OSBPL1A: variants seen among roughly 807,000 people sequenced by gnomAD.
OSBPL1A encodes the protein oxysterol binding protein like 1A, also known as oxysterol-binding protein-related protein 1.
In OSBPL1A, 80 loss-of-function variants were observed where a neutral mutation model predicts 137.1. The ratio of observed to expected loss-of-function variants is 0.58; its 90% CI spans 0.49 to 0.70. The LOEUF (loss-of-function observed/expected upper bound fraction) is 0.70. Ranked by LOEUF, OSBPL1A falls within the 30% of genes least tolerant of loss-of-function variation. The pLI is 0.00. For synonymous variants in OSBPL1A, 365 were observed against 389.7 expected, an observed-to-expected ratio of 0.94 and a Z score of 0.75; for missense variants, 970 against 1,129.4, an observed-to-expected ratio of 0.86 and a Z score of 2.02.
chr18:24,392,094 G>A (rs1475057148), intron 1 of OSBPL1A, among the ~76,000 whole-genome samples: 6 of 152,210 alleles, frequency 3.9e-5, no homozygotes, highest in African/African-American at 9.6e-5. Flanking sequence ...AGGTTCAAGC[G>A]ATCTGTCCAC....
At chr18:24,290,447 G>A (rs2090155290) in intron 14 of OSBPL1A, among the ~76,000 whole-genome samples, 2 of 152,176 alleles carry the variant, frequency 1.3e-5, no homozygotes, top group African/African-American at 2.4e-5. Context: ...TTGGGAGGCT[G>A]AGGCAGGTGG....
chr18:24,344,495 G>A (rs983095823), intron 4 of OSBPL1A, among the ~76,000 whole-genome samples: 37 of 152,136 alleles, frequency 2.4e-4, no homozygotes, highest in African/African-American at 8.7e-4. Flanking sequence ...GGTTAAACAC[G>A]ATGGGTATGT....
intron 14 of OSBPL1A, among the ~76,000 whole-genome samples, chr18:24,288,619 T>G (rs1036745331): frequency 1.3e-5 from 2 of 151,446 alleles, no homozygotes; most frequent in African/African-American, 4.9e-5. Flanking sequence ...AATACAAAAA[T>G]TAGCTGGGCA....
At chr18:24,388,438 G>A (rs1407481077) in intron 1 of OSBPL1A, among the ~76,000 whole-genome samples, 1 of 151,910 alleles carries the variant, frequency 6.6e-6, no homozygotes, top group African/African-American at 2.4e-5. Context: ...CTTACAAAAG[G>A]TACATCTAGT....
chr18:24,241,209 G>A (rs1203664549), intron 15 of OSBPL1A, among the ~76,000 whole-genome samples: 3 of 152,166 alleles, frequency 2.0e-5, no homozygotes, highest in East Asian at 3.8e-4. Context: ...TCAGGACATA[G>A]GCATGGGCAA....
chr18:24,385,981 G>A (rs1906937771), intron 1 of OSBPL1A, among the ~76,000 whole-genome samples: 1 of 152,172 alleles, frequency 6.6e-6, no homozygotes, highest in Non-Finnish European at 1.5e-5. Flanking sequence ...AGAAAGCACT[G>A]CACCAAGGCT....
chr18:24,338,126 G>T (rs1437423832), intron 5 of OSBPL1A, among the ~76,000 whole-genome samples: 1 of 150,406 alleles, frequency 6.6e-6, no homozygotes, highest in Non-Finnish European at 1.5e-5. Context: ...AGGCGGGAGT[G>T]CAGTGGCGCA....
At chr18:24,272,026 G>T (rs1162509881) in intron 15 of OSBPL1A, 2 of 981,792 alleles carry the variant, frequency 2.0e-6, no homozygotes, top group East Asian at 2.3e-4. Context: ...CCCTGCGCGC[G>T]GCGGGCAGCG....
intron 11 of OSBPL1A, among the ~76,000 whole-genome samples, chr18:24,315,063 C>A (rs2090693690): frequency 6.6e-6 from 1 of 152,140 alleles, no homozygotes; most frequent in South Asian, 2.1e-4. Context: ...GAAAAGGCAA[C>A]CACATGGAGG....
Position 24,166,683 on chromosome 18 carries a change from A to C in OSBPL1A, c.2555T>G (p.Phe852Cys). The change falls in exon 26 of 28, where the codon TTT (phenylalanine) becomes TGT (cysteine). Residue 852 changes from phenylalanine to cysteine, a missense_variant. By Grantham distance (205) the Phe-to-Cys change is radical. Transcript: ENST00000319481. ...NSAQMYNFTS[F>C]AMVLNEVDKD... ...GTCTACTTCATTCAAAACCATTGCA[A>C]AACTAGTAAAATTATACATCTGAAA... 6.2e-7 allele frequency: 1 copy of C among 1,610,304 alleles called. No individual in the cohort carries two copies. The highest frequency in any genetic ancestry group is 8.5e-7 in the Non-Finnish European group (1 of 1,179,052).
At chr18:24,239,715 A>C (rs1283537192) in intron 15 of OSBPL1A, among the ~76,000 whole-genome samples, 4 of 152,140 alleles carry the variant, frequency 2.6e-5, no homozygotes, top group Non-Finnish European at 5.9e-5. Flanking sequence ...TTCTCTCTCA[A>C]CATTAAGTAC....
intron 19 of OSBPL1A, 72 bp from the exon 20 acceptor site, chr18:24,179,907 T>A (rs2086555247): frequency 8.2e-7 from 1 of 1,225,842 alleles, no homozygotes; most frequent in Admixed American, 1.8e-5. Context: ...AACTGAAATT[T>A]TGCTGAAGAC....
intron 2 of OSBPL1A, among the ~76,000 whole-genome samples, chr18:24,376,913 ACTCCAG>A (rs1381147386): frequency 1.3e-5 from 2 of 151,952 alleles, no homozygotes; most frequent in Non-Finnish European, 2.9e-5. Flanking sequence ...CCCACACGGA[ACTCCAG>A]CCGGCCCGCA....
At position 24,324,012 on chromosome 18, in the gene OSBPL1A, G is replaced by A. The variant is rs113835791; in HGVS notation, c.626-5203C>T. 7.1e-5 allele frequency among the ~76,000 whole-genome samples: 5 copies of A among 70,828 alleles called. 1 individual carries two copies. The highest frequency in any genetic ancestry group is 2.4e-4 in the African/African-American group (3 of 12,286). The allele number at this position is 70,828 out of a possible 152,430, so 46.5% of individuals were successfully genotyped here. A position where few individuals can be genotyped will look rare whatever the true frequency, so the allele number is the denominator to read the frequency against. On this transcript the variant is annotated intron_variant, in intron 7 of 27. Coordinates refer to ENST00000319481, the MANE Select transcript of OSBPL1A (RefSeq NM_080597.4). ...GTGAATAGTGCCGCAATAAACATAC[G>A]TGTGCATGTGTCTTTATAGCAGCAT... is the stretch of plus-strand genomic sequence containing the variant.
At chr18:24,265,276 T>C (rs2146047687) in intron 15 of OSBPL1A, among the ~76,000 whole-genome samples, 1 of 152,340 alleles carries the variant, frequency 6.6e-6, no homozygotes, top group East Asian at 1.9e-4. Context: ...GGTCAGGAGT[T>C]CGTCACCAGC....
intron 14 of OSBPL1A, among the ~76,000 whole-genome samples, chr18:24,286,279 T>G (rs2090065001): frequency 6.6e-6 from 1 of 152,134 alleles, no homozygotes; most frequent in Non-Finnish European, 1.5e-5. Context: ...TCAACTAACC[T>G]TCTAAAAACT....
Position 24,368,380 on chromosome 18 carries a change from T to A in OSBPL1A, c.122-8A>T. On this transcript the variant is annotated splice_region_variant and splice_polypyrimidine_tract_variant and intron_variant, in intron 2 of 27. Coordinates refer to ENST00000319481, the MANE Select transcript of OSBPL1A (RefSeq NM_080597.4). Reference sequence around the variant, plus strand: ...AGTTAGACTTACTTCTTCCTAAAAATGGAAAAATATAAGGTATTTTTAGGT... The same window carrying A: ...AGTTAGACTTACTTCTTCCTAAAAAAGGAAAAATATAAGGTATTTTTAGGT... 1 of 1,601,106 alleles carries A rather than the reference T, an allele frequency of 6.2e-7. No homozygotes were observed.
chr18:24,334,309 C>G lies in OSBPL1A; in HGVS notation c.416G>C (p.Arg139Thr). The G allele has an allele frequency of 6.2e-7, 1 of 1,611,758 alleles. No individual in the cohort carries two copies. The change falls in exon 6 of 28, where the codon AGA becomes ACA. Residue 139 changes from arginine (R) to threonine (T), a missense_variant. Around this residue, in one of 2 missense-constraint regions of OSBPL1A, gnomAD observed 647 missense variants for 672.6 expected, o/e 0.96. Transcript: ENST00000319481. ...TGCTAAAAGTAATTCTTCAAGCTTT[C>G]TTTGTTGAGTCCTTTCTACAGCTGC... ...MLEAVERTQQ[R>T]KLEELLLAAA... is the part of the protein sequence containing the mutation.
intron 16 of OSBPL1A, among the ~76,000 whole-genome samples, chr18:24,233,003 C>T (rs1239220372): frequency 1.3e-5 from 2 of 152,182 alleles, no homozygotes; most frequent in East Asian, 1.9e-4. Context: ...TTAAGGGGAA[C>T]GCTTAGCAAG....
Sources: gnomAD v4.1 joint callset for allele counts (sites outside exome capture counted in the v4.1 genomes callset) on GRCh38, gnomAD v4.1.1 for gene constraint, gnomAD v4.1.1 regional missense constraint, MANE v1.5 for transcripts, NCBI Gene and HGNC (gene_info 2026-07-23, HGNC 2026-07-21) for gene names.